DGKI: variants seen among roughly 807,000 people sequenced by gnomAD.
DGKI encodes the protein diacylglycerol kinase iota, also known as DAG kinase iota.
DGKI carries 55 observed loss-of-function variants against 147.5 expected under a neutral mutation model. The observed-to-expected ratio is 0.37, with a 90% CI of 0.30 to 0.47. The LOEUF (loss-of-function observed/expected upper bound fraction) is 0.47. Ranked by LOEUF, DGKI falls within the 20% of genes least tolerant of loss-of-function variation. The probability of loss-of-function intolerance (pLI) is 1.00; values close to 1 mark genes in which losing one functional copy is unlikely to be tolerated. For synonymous variants in DGKI, 469 were observed against 477.1 expected (o/e 0.98, Z 0.22); for missense variants, 1,007 against 1,323.8 (o/e 0.76, Z 3.71).
intron 1 of DGKI, among the ~76,000 whole-genome samples, chr7:137,811,325 TTCTC>T: frequency 6.7e-6 from 1 of 148,940 alleles, no homozygotes; most frequent in African/African-American, 2.5e-5. Flanking sequence ...ACAGATTTAA[TTCTC>T]TCTGTCTGTC....
At chr7:137,458,008 C>T (rs1046681725) in intron 27 of DGKI, among the ~76,000 whole-genome samples, 7 of 151,918 alleles carry the variant, frequency 4.6e-5, no homozygotes, top group Non-Finnish European at 1.0e-4. Context: ...TTAGAAGGAA[C>T]TTTAATAATT....
intron 21 of DGKI, among the ~76,000 whole-genome samples, chr7:137,515,237 C>T (rs1488755280): frequency 1.3e-5 from 2 of 152,158 alleles, no homozygotes; most frequent in Admixed American, 6.5e-5. Context: ...AAACAGGATC[C>T]TCTGTCACTG....
chr7:137,650,356 T>A (rs1420526449), intron 5 of DGKI, among the ~76,000 whole-genome samples: 1 of 152,122 alleles, frequency 6.6e-6, no homozygotes. Flanking sequence ...GTAATATGCA[T>A]AAATTATTAT....
At chr7:137,763,623 C>T (rs984897566) in intron 1 of DGKI, among the ~76,000 whole-genome samples, 4 of 152,190 alleles carry the variant, frequency 2.6e-5, no homozygotes, top group African/African-American at 7.2e-5. Context: ...AAAATGTTTG[C>T]CTATCTCAGC....
At chr7:137,499,161 C>T (rs773680884) in intron 21 of DGKI, among the ~76,000 whole-genome samples, 2 of 152,110 alleles carry the variant, frequency 1.3e-5, no homozygotes, top group Non-Finnish European at 2.9e-5. Flanking sequence ...GGGATGCATA[C>T]GTTGGTGGTA....
intron 1 of DGKI, among the ~76,000 whole-genome samples, chr7:137,741,563 G>A (rs1000596668): frequency 1.8e-4 from 28 of 152,126 alleles, no homozygotes; most frequent in African/African-American, 6.8e-4. Flanking sequence ...AGATTTCATT[G>A]GAATGCATGG....
At chr7:137,694,454 C>G (rs1024252537) in intron 1 of DGKI, among the ~76,000 whole-genome samples, 2 of 152,148 alleles carry the variant, frequency 1.3e-5, no homozygotes, top group Non-Finnish European at 2.9e-5. Flanking sequence ...ATGTGGCTCC[C>G]GTTTTCTATC....
intron 1 of DGKI, among the ~76,000 whole-genome samples, chr7:137,727,835 T>C (rs1794757064): frequency 6.6e-6 from 1 of 152,188 alleles, no homozygotes; most frequent in African/African-American, 2.4e-5. Flanking sequence ...ATTAAGAATC[T>C]AAGAAATTTT....
At chr7:137,839,600 A>G (rs1798488855) in intron 1 of DGKI, among the ~76,000 whole-genome samples, 1 of 152,244 alleles carries the variant, frequency 6.6e-6, no homozygotes, top group Admixed American at 6.5e-5. Context: ...TAACTTTTGC[A>G]GGCACACAGC....
intron 28 of DGKI, among the ~76,000 whole-genome samples, chr7:137,425,327 C>T (rs943115561): frequency 2.0e-5 from 3 of 152,212 alleles, no homozygotes; most frequent in African/African-American, 7.2e-5. Context: ...AACAGACCTG[C>T]AGCTAAGGGT....
intron 27 of DGKI, chr7:137,454,878 ACTT>A (rs1209813904): frequency 1.3e-5 from 2 of 152,094 alleles, no homozygotes; most frequent in African/African-American, 4.8e-5. Context: ...GTAAATGTGG[ACTT>A]CTTTTTTTTC....
intron 1 of DGKI, among the ~76,000 whole-genome samples, chr7:137,793,812 T>C (rs1480246104): frequency 6.6e-6 from 1 of 152,224 alleles, no homozygotes; most frequent in Non-Finnish European, 1.5e-5. Context: ...TTTTCTGGAG[T>C]TTGAATAAAG....
intron 21 of DGKI, among the ~76,000 whole-genome samples, chr7:137,507,999 A>G (rs1393215353): frequency 6.6e-6 from 1 of 152,160 alleles, no homozygotes; most frequent in African/African-American, 2.4e-5. Context: ...GAAAAGAAGA[A>G]AAGGAAATGT....
chr7:137,661,912 G>C (rs1016426822), intron 3 of DGKI, among the ~76,000 whole-genome samples: 2 of 152,190 alleles, frequency 1.3e-5, no homozygotes, highest in South Asian at 4.1e-4. Context: ...AGTAGGCATT[G>C]TCTCTCTGGC....
intron 7 of DGKI, among the ~76,000 whole-genome samples, chr7:137,620,717 A>G (rs1423500415): frequency 1.3e-5 from 2 of 152,168 alleles, no homozygotes; most frequent in Non-Finnish European, 2.9e-5. Flanking sequence ...GTATACCCCA[A>G]CAGTGACACT....
At chr7:137,605,855 A>C (rs538105680) in intron 10 of DGKI, among the ~76,000 whole-genome samples, 1 of 152,210 alleles carries the variant, frequency 6.6e-6, no homozygotes, top group Non-Finnish European at 1.5e-5. Flanking sequence ...ACAGTGAGTA[A>C]AAACATACAA....
intron 28 of DGKI, among the ~76,000 whole-genome samples, chr7:137,442,998 T>C (rs775091600): frequency 6.6e-6 from 1 of 152,096 alleles, no homozygotes; most frequent in Non-Finnish European, 1.5e-5. Context: ...AGAAGTAGCA[T>C]CCTGTCAGAG....
At chr7:137,623,398 A>G in intron 7 of DGKI, 85 bp downstream of exon 7, 1 of 1,296,340 alleles carries the variant, frequency 7.7e-7, no homozygotes, top group Non-Finnish European at 1.1e-6. Flanking sequence ...AATGCCTTCT[A>G]CTTCCAGGGA....
At chr7:137,587,247 A>T in intron 12 of DGKI, 37 bp from the exon 13 acceptor site, 1 of 1,500,592 alleles carries the variant, frequency 6.7e-7, no homozygotes, top group Non-Finnish European at 9.0e-7. Flanking sequence ...GATATAAGAA[A>T]GATAAATAAG....
Sources: allele counts gnomAD v4.1 joint callset (sites outside exome capture counted in the v4.1 genomes callset), GRCh38; gene constraint gnomAD v4.1.1; transcripts MANE v1.5; gene names NCBI Gene and HGNC (gene_info 2026-07-23, HGNC 2026-07-21).